Variants in ASAP1 observed in about 807,000 individuals in gnomAD.
The protein encoded by ASAP1 is arf-GAP with SH3 domain, ANK repeat and PH domain-containing protein 1.
A neutral mutation model predicts 145.2 loss-of-function variants in ASAP1; 43 were observed. That is an observed-to-expected ratio of 0.30 (90% CI 0.23 to 0.38). ASAP1 has a LOEUF of 0.38. ASAP1 is among the 10% of genes least tolerant of loss of function. The pLI is 1.00. For synonymous variants in ASAP1, 546 were observed against 515.5 expected, an observed-to-expected ratio of 1.06 and a Z score of -0.80; for missense variants, 1,018 against 1,355.3, an observed-to-expected ratio of 0.75 and a Z score of 3.91.
chr8:130,267,306 T>C (rs1262607535), intron 3 of ASAP1, among the ~76,000 whole-genome samples: 2 of 152,106 alleles, frequency 1.3e-5, no homozygotes, highest in African/African-American at 2.4e-5. Flanking sequence ...AGAGCTATAG[T>C]AGTCAAGCAA....
intron 13 of ASAP1, among the ~76,000 whole-genome samples, chr8:130,147,824 C>A (rs1382488407): frequency 1.3e-5 from 2 of 152,188 alleles, no homozygotes; most frequent in African/African-American, 4.8e-5. Flanking sequence ...AAGAGGCCAG[C>A]TGGATTTCCA....
chr8:130,131,979 G>C (rs962264402), intron 15 of ASAP1, among the ~76,000 whole-genome samples: 6 of 152,170 alleles, frequency 3.9e-5, no homozygotes, highest in Non-Finnish European at 8.8e-5. Context: ...GAGTCATAAG[G>C]GAACAAACAG....
At chr8:130,097,658 G>A (rs978580651) in intron 24 of ASAP1, among the ~76,000 whole-genome samples, 5 of 152,206 alleles carry the variant, frequency 3.3e-5, no homozygotes, top group Non-Finnish European at 7.3e-5. Flanking sequence ...AAGTGACTAT[G>A]CTCACCCTGG....
chr8:130,363,249 G>C (rs1826798886), intron 2 of ASAP1, among the ~76,000 whole-genome samples: 1 of 152,092 alleles, frequency 6.6e-6, no homozygotes, highest in African/African-American at 2.4e-5. Context: ...ATTCTTGCCG[G>C]GTGCAGTGAC....
chr8:130,278,645 A>G (rs376180853), intron 3 of ASAP1, among the ~76,000 whole-genome samples: 2 of 152,300 alleles, frequency 1.3e-5, no homozygotes, highest in East Asian at 1.9e-4. Context: ...ACATACGATA[A>G]AACAGTCGAG....
chr8:130,080,963 G>A (rs2097478560), intron 25 of ASAP1, among the ~76,000 whole-genome samples: 1 of 152,184 alleles, frequency 6.6e-6, no homozygotes, highest in South Asian at 2.1e-4. Context: ...CATCTACTAT[G>A]TGCAAGGCAT....
intron 3 of ASAP1, among the ~76,000 whole-genome samples, chr8:130,301,505 T>TG (rs770089138): frequency 1.1e-4 from 17 of 152,228 alleles, no homozygotes; most frequent in Non-Finnish European, 1.8e-4. Flanking sequence ...CCATATATAG[T>TG]GGTTGAATGA....
chr8:130,367,878 A>G (rs371239040), intron 2 of ASAP1, among the ~76,000 whole-genome samples: 8 of 152,236 alleles, frequency 5.3e-5, no homozygotes, highest in African/African-American at 1.2e-4. Context: ...TTGAACCCAC[A>G]TAACAATGAG....
At chr8:130,144,007 G>A (rs1000107648) in intron 13 of ASAP1, among the ~76,000 whole-genome samples, 3 of 152,152 alleles carry the variant, frequency 2.0e-5, no homozygotes, top group Non-Finnish European at 4.4e-5. Context: ...GTGGAAAGAG[G>A]TAAAAATAAA....
At chr8:130,095,873 A>G (rs2097516593) in intron 24 of ASAP1, among the ~76,000 whole-genome samples, 1 of 149,140 alleles carries the variant, frequency 6.7e-6, no homozygotes, top group African/African-American at 2.5e-5. Context: ...CCCACCTCAG[A>G]CTCCCAAAGT....
At chr8:130,354,974 C>G (rs1159855990) in intron 3 of ASAP1, among the ~76,000 whole-genome samples, 2 of 152,244 alleles carry the variant, frequency 1.3e-5, no homozygotes, top group Non-Finnish European at 2.9e-5. Context: ...TAACCTCGGC[C>G]TCCCGGGTTC....
intron 9 of ASAP1, among the ~76,000 whole-genome samples, chr8:130,172,277 A>G (rs1348683780): frequency 6.6e-6 from 1 of 152,138 alleles, no homozygotes; most frequent in Non-Finnish European, 1.5e-5. Context: ...AAGGTATTTC[A>G]TTTTCACTTT....
intron 24 of ASAP1, among the ~76,000 whole-genome samples, chr8:130,092,374 C>T (rs576065394): frequency 1.3e-5 from 2 of 151,350 alleles, no homozygotes; most frequent in Non-Finnish European, 2.9e-5. Flanking sequence ...GCCTGTAATC[C>T]CCTGCACTGT....
At chr8:130,334,352 T>A (rs914534174) in intron 3 of ASAP1, among the ~76,000 whole-genome samples, 40 of 152,212 alleles carry the variant, frequency 2.6e-4, no homozygotes, top group African/African-American at 9.2e-4. Context: ...AAATGCCAGC[T>A]CTTCATTCAT....
At chr8:130,131,660 C>T (rs1024202927) in intron 15 of ASAP1, among the ~76,000 whole-genome samples, 4 of 147,350 alleles carry the variant, frequency 2.7e-5, no homozygotes, top group East Asian at 2.0e-4. Context: ...CGTGGTGATG[C>T]GTGCTTATAG....
intron 3 of ASAP1, among the ~76,000 whole-genome samples, chr8:130,247,813 G>A (rs966352720): frequency 3.3e-5 from 5 of 152,126 alleles, no homozygotes; most frequent in Non-Finnish European, 7.4e-5. Context: ...TTAGCTTCAG[G>A]CACACCCTGG....
intron 27 of ASAP1, among the ~76,000 whole-genome samples, chr8:130,066,139 G>A (rs1564920187): frequency 6.6e-6 from 1 of 152,140 alleles, no homozygotes; most frequent in Non-Finnish European, 1.5e-5. Context: ...TAGTAAGAAT[G>A]ACAGAGGTAT....
At chr8:130,242,872 T>A (rs1444480525) in intron 3 of ASAP1, among the ~76,000 whole-genome samples, 1 of 152,162 alleles carries the variant, frequency 6.6e-6, no homozygotes, top group East Asian at 1.9e-4. Flanking sequence ...TGTGTGCTGT[T>A]GACCTTCCAT....
chr8:130,058,213 G>T, intron 28 of ASAP1, 137 bp from the exon 29 acceptor site: 1 of 917,030 alleles, frequency 1.1e-6, no homozygotes, highest in Non-Finnish European at 1.7e-6. Context: ...TTGAAGGGCG[G>T]GAAGAAGAGT....
Sources: allele counts gnomAD v4.1 joint callset (sites outside exome capture counted in the v4.1 genomes callset), GRCh38; gene constraint gnomAD v4.1.1; transcripts MANE v1.5; gene names NCBI Gene and HGNC (gene_info 2026-07-23, HGNC 2026-07-21).